The following CC2D2A variants were observed in gnomAD, a reference collection of about 807,000 sequenced individuals.
The protein encoded by CC2D2A is coiled-coil and C2 domain-containing protein 2A.
CC2D2A carries 155 observed loss-of-function variants against 212.9 expected under a neutral mutation model. The ratio of observed to expected loss-of-function variants is 0.73; its 90% CI spans 0.64 to 0.83. CC2D2A has a LOEUF of 0.83. CC2D2A is among the 40% of genes least tolerant of loss of function. The pLI is 0.00. For missense variants in CC2D2A, 1,856 were observed against 1,956.2 expected, an observed-to-expected ratio of 0.95 and a Z score of 0.97; for synonymous variants, 667 against 686.5, an observed-to-expected ratio of 0.97 and a Z score of 0.44.
intron 11 of CC2D2A, among the ~76,000 whole-genome samples, chr4:15,525,868 G>A (rs904081838): frequency 6.6e-6 from 1 of 152,158 alleles, no homozygotes; most frequent in African/African-American, 2.4e-5. Context: ...ACTTGGTTGG[G>A]CTAAGCAAAA....
At position 15,596,161 on chromosome 4, in the gene CC2D2A, C is replaced by CT. The variant is rs1375310528; in HGVS notation, c.4394dup (p.Phe1466LeufsTer16). On this transcript the variant is annotated frameshift_variant, in exon 34 of 37. Coordinates refer to ENST00000424120, the MANE Select transcript of CC2D2A (RefSeq NM_001378615.1). LOFTEE classifies it high-confidence loss of function. ...GTCACCAGGCCCAAGCTATGGAAAT[C>CT]TTTCTTTTCAAGAAGCCTTCCATAT... The CT allele has an allele frequency of 6.5e-7, 1 of 1,549,516 alleles. No individual in the cohort carries two copies. The highest frequency in any genetic ancestry group is 8.7e-7 in the Non-Finnish European group (1 of 1,145,896).
At chr4:15,527,390 T>A in intron 11 of CC2D2A, 57 bp from the exon 12 acceptor site, 3 of 1,297,504 alleles carry the variant, frequency 2.3e-6, no homozygotes, top group Non-Finnish European at 3.3e-6. Flanking sequence ...GATTAGAGAA[T>A]CATTATCTAG....
chr4:15,511,293 C>G lies in CC2D2A; in HGVS notation c.587C>G (p.Thr196Ser), dbSNP rs1403390685. 6.2e-7 allele frequency: 1 copy of G among 1,601,038 alleles called. No individual in the cohort carries two copies. The highest frequency in any genetic ancestry group is 1.1e-5 in the South Asian group (1 of 88,062). ...PSAEEAYNFF[T>S]FNFDPEPEGS... ...GCAGAAGAGGCCTATAACTTCTTTA[C>G]TTTCAACTTTGATCCCGAACCAGAA... The change falls in exon 8 of 37, where the codon ACT becomes AGT. Residue 196 changes from threonine to serine, a missense_variant. Transcript: ENST00000424120.
At chr4:15,528,413 T>C (rs1028902223) in intron 12 of CC2D2A, among the ~76,000 whole-genome samples, 3 of 152,228 alleles carry the variant, frequency 2.0e-5, no homozygotes, top group African/African-American at 7.2e-5. Context: ...CACTATGCTT[T>C]ACTAATCCAG....
At chr4:15,482,987 T>G (rs1378632046) in intron 4 of CC2D2A, among the ~76,000 whole-genome samples, 2 of 152,078 alleles carry the variant, frequency 1.3e-5, no homozygotes, top group African/African-American at 4.8e-5. Context: ...CCATCCAGTG[T>G]CTGGGAAGCC....
intron 28 of CC2D2A, among the ~76,000 whole-genome samples, chr4:15,571,789 C>A (rs551711392): frequency 6.6e-6 from 1 of 152,106 alleles, no homozygotes; most frequent in Non-Finnish European, 1.5e-5. Flanking sequence ...AAAAAAAATT[C>A]AAGAGCACAT....
chr4:15,514,430 G>C (rs996750734), intron 8 of CC2D2A, among the ~76,000 whole-genome samples: 1 of 152,166 alleles, frequency 6.6e-6, no homozygotes, highest in Non-Finnish European at 1.5e-5. Flanking sequence ...GGCCAGATTT[G>C]TTGGGATTTT....
rs768069556 is a variant in CC2D2A, at chr4:15,550,956, C to G, written c.2314C>G (p.Leu772Val). 1.2e-6 allele frequency: 2 copies of G among 1,600,466 alleles called. No homozygotes were observed. Among genetic ancestry groups the G allele is most frequent in the Non-Finnish European group, 1.7e-6 (2 of 1,169,490 alleles). Residue 772 changes from leucine to valine, a missense_variant, in exon 18 of 37, where the codon CTG becomes GTG. Transcript: ENST00000424120. ...GTTTAGCAGTAATCAGCATGTGACA[C>G]TGGACCACGAGGGAGTTGGAAGTGG... The part of the protein sequence containing the change: ...VEFSSNQHVT[L>V]DHEGVGSGVP...
intron 13 of CC2D2A, 148 bp from the exon 14 acceptor site, chr4:15,533,045 T>C (rs1717930657): frequency 1.7e-6 from 1 of 583,108 alleles, no homozygotes; most frequent in South Asian, 2.9e-5. Flanking sequence ...CTATTGTCTT[T>C]ACATTCACAT....
rs1022521220 is a variant in CC2D2A, at chr4:15,567,754, T to C, written c.3366T>C (p.Pro1122=). Reference sequence around the variant, plus strand: ...CGACTACGGCTGAAGGACCAAACCCTAGCTGGAATGAAGAACTAGAACTTC... The same window carrying C: ...CGACTACGGCTGAAGGACCAAACCCCAGCTGGAATGAAGAACTAGAACTTC... ...CHTTTAEGPN[P]SWNEELELPF... Residue 1122 remains proline, a synonymous_variant, in exon 26 of 37, where the codon CCT becomes CCC. Transcript: ENST00000424120. 3 of 1,600,104 alleles carry C rather than the reference T, an allele frequency of 1.9e-6. No homozygotes were observed. Among genetic ancestry groups the C allele is most frequent in the Non-Finnish European group, 2.6e-6 (3 of 1,176,348 alleles).
chr4:15,512,954 A>C (rs1716655340), intron 8 of CC2D2A, among the ~76,000 whole-genome samples: 1 of 150,160 alleles, frequency 6.7e-6, no homozygotes, highest in Non-Finnish European at 1.5e-5. Flanking sequence ...TCTGTCTCAA[A>C]AAAAAAAAAA....
intron 34 of CC2D2A, among the ~76,000 whole-genome samples, 160 bp from the exon 35 acceptor site, chr4:15,597,247 G>C (rs1209686383): frequency 6.6e-6 from 1 of 152,078 alleles, no homozygotes; most frequent in Non-Finnish European, 1.5e-5. Context: ...ACTATATTAT[G>C]ATGTTTTACT....
Position 15,570,426 on chromosome 4 carries a change from A to G in CC2D2A, c.3524A>G (p.His1175Arg), listed in dbSNP as rs886059184. 23 of 1,606,586 alleles carry G rather than the reference A, an allele frequency of 1.4e-5. No individual in the cohort carries two copies. The highest frequency in any genetic ancestry group is 1.8e-5 in the Non-Finnish European group (21 of 1,175,302). ...GACCGTGAAAGAGGAAGTGGAATCCATACTCGTATTGAGAGACACTGGCTG... is the reference window on the plus strand; with the variant it reads ...GACCGTGAAAGAGGAAGTGGAATCCGTACTCGTATTGAGAGACACTGGCTG... ...EDDRERGSGI[H>R]TRIERHWLGC... is the part of the protein sequence containing the mutation. The change falls in exon 28 of 37, where the codon CAT (histidine) becomes CGT (arginine). Residue 1175 changes from histidine (H) to arginine (R), a missense_variant. His to Arg is a conservative substitution (Grantham distance 29). This residue lies in a region of CC2D2A where 1,512 missense variants were observed against 1,579.3 expected (regional missense o/e 0.96). Transcript: ENST00000424120.
In CC2D2A at chr4:15,580,164, C is replaced by A. The variant is rs1720597415; in HGVS notation, c.3968C>A (p.Ala1323Glu). The part of the protein sequence containing the change: ...LLNVYPNNLQ[A>E]TAELVARYVS... Reference sequence around the variant, plus strand: ...AATGTCTACCCCAATAATCTACAGGCAACTGCAGTAAGTATTTCATAGTCA... The same window carrying A: ...AATGTCTACCCCAATAATCTACAGGAAACTGCAGTAAGTATTTCATAGTCA... Residue 1323 changes from alanine (A) to glutamate (E), a missense_variant, in exon 30 of 37, where the codon GCA becomes GAA. By Grantham distance (107) the Ala-to-Glu change is moderately radical. This residue lies in a region of CC2D2A where 20 missense variants were observed against 46.9 expected (regional missense o/e 0.43). Coordinates refer to ENST00000424120, the MANE Select transcript of CC2D2A (RefSeq NM_001378615.1). The A allele has an allele frequency of 1.2e-6, 2 of 1,611,698 alleles. No individual in the cohort carries two copies. Among genetic ancestry groups the A allele is most frequent in the Non-Finnish European group, 1.7e-6 (2 of 1,177,944 alleles).
chr4:15,591,220 T>G (rs1445056737), intron 33 of CC2D2A, among the ~76,000 whole-genome samples: 1 of 1,624 alleles, frequency 6.2e-4, no homozygotes, highest in Non-Finnish European at 0.12. Flanking sequence ...CATCAGTCTA[T>G]TTTTTTTTTT....
Position 15,480,814 on chromosome 4 carries a change from G to T in CC2D2A, c.234G>T (p.Arg78=). The stretch of plus-strand genomic sequence containing the variant: ...CCCGCCTCCTGAGTATGACAGTCCG[G>T]AGAGGCCCACGGAGTAAGTGCCCCT... The part of the protein sequence containing the change: ...PKTRLLSMTV[R]RGPRSLPPIP... The change falls in exon 4 of 37, where the codon CGG becomes CGT. Residue 78 remains arginine, a synonymous_variant. Transcript: ENST00000424120. 1 of 1,612,884 alleles carries T rather than the reference G, an allele frequency of 6.2e-7. No homozygotes were observed. The highest frequency in any genetic ancestry group is 8.5e-7 in the Non-Finnish European group (1 of 1,179,298).
At chr4:15,493,412 G>GCTGGGA (rs1380188394) in intron 4 of CC2D2A, among the ~76,000 whole-genome samples, 1 of 152,156 alleles carries the variant, frequency 6.6e-6, no homozygotes, top group African/African-American at 2.4e-5. Flanking sequence ...ACTACAGGTA[G>GCTGGGA]CTGGGACTAC....
In CC2D2A at chr4:15,528,598, CTT is replaced by C. The variant is rs1238541349; in HGVS notation, c.1360-21_1360-20del. On this transcript the variant is annotated intron_variant, in intron 12 of 36. Coordinates refer to ENST00000424120, the MANE Select transcript of CC2D2A (RefSeq NM_001378615.1). ...AGGGAATAGAGTTTGTAACCCAAAA[CTT>C]GTATCCATGTCGTTTTAAGCTCCAA... 1 of 1,605,620 alleles carries C rather than the reference CTT, an allele frequency of 6.2e-7. No individual in the cohort carries two copies.
chr4:15,471,431 T>G (rs1713811518), intron 1 of CC2D2A, among the ~76,000 whole-genome samples: 1 of 152,146 alleles, frequency 6.6e-6, no homozygotes, highest in South Asian at 2.1e-4. Flanking sequence ...ATGACTCCTC[T>G]TCTATCCCCC....
Sources: gnomAD v4.1 joint callset for allele counts (sites outside exome capture counted in the v4.1 genomes callset) on GRCh38, gnomAD v4.1.1 for gene constraint, gnomAD v4.1.1 regional missense constraint, MANE v1.5 for transcripts, NCBI Gene and HGNC (gene_info 2026-07-23, HGNC 2026-07-21) for gene names.